Variants in TENM3 observed in about 807,000 individuals in gnomAD.
The protein encoded by TENM3 is teneurin transmembrane protein 3.
TENM3 carries 63 observed loss-of-function variants against 255.1 expected under a neutral mutation model. The ratio of observed to expected loss-of-function variants is 0.25; its 90% CI spans 0.20 to 0.30. TENM3 has a LOEUF of 0.30. Ranked by LOEUF, TENM3 falls within the 10% of genes least tolerant of loss-of-function variation. TENM3 has a pLI of 1.00. For missense variants in TENM3, 2,929 were observed against 3,461.1 expected (o/e 0.85, Z 3.86); for synonymous variants, 1,306 against 1,322.3 (o/e 0.99, Z 0.27).
At chr4:182,639,176 A>G (rs1720277553) in intron 5 of TENM3, among the ~76,000 whole-genome samples, 1 of 152,240 alleles carries the variant, frequency 6.6e-6, no homozygotes, top group South Asian at 2.1e-4. Context: ...ATGACAAGAT[A>G]TAATTTGAAA....
At chr4:182,304,572 G>A (rs1762034169) in intron 1 of TENM3, among the ~76,000 whole-genome samples, 1 of 152,060 alleles carries the variant, frequency 6.6e-6, no homozygotes, top group Non-Finnish European at 1.5e-5. Context: ...CATCAATCAG[G>A]AAATACTATT....
chr4:182,590,945 G>GT (rs998641443), intron 3 of TENM3, among the ~76,000 whole-genome samples: 11 of 151,952 alleles, frequency 7.2e-5, no homozygotes, highest in African/African-American at 2.4e-4. Context: ...TGCACTTTAC[G>GT]TTTTTTCTCT....
At chr4:181,855,368 T>A in the TENM3 span, among the ~76,000 whole-genome samples, 1 of 152,222 alleles carries the variant, frequency 6.6e-6, no homozygotes, top group African/African-American at 2.4e-5. Context: ...AAGATTGGCA[T>A]GTACTTCTCT....
At chr4:182,784,200 C>T (rs1169008135) in intron 24 of TENM3, among the ~76,000 whole-genome samples, 1 of 152,104 alleles carries the variant, frequency 6.6e-6, no homozygotes, top group Non-Finnish European at 1.5e-5. Flanking sequence ...TACTTTTGGT[C>T]TTTGATGACG....
the TENM3 span, among the ~76,000 whole-genome samples, chr4:181,765,708 T>G: frequency 6.6e-6 from 1 of 152,144 alleles, no homozygotes; most frequent in South Asian, 2.1e-4. Flanking sequence ...CAATAAACAC[T>G]TATATTGCAG....
the TENM3 span, among the ~76,000 whole-genome samples, chr4:181,609,258 T>G: frequency 6.6e-6 from 1 of 152,192 alleles, no homozygotes; most frequent in Admixed American, 6.5e-5. Context: ...TAGTTTATTT[T>G]TCTTTTGACT....
At chr4:181,605,568 A>AAGAGGGAGAGAGAGAGAG in the TENM3 span, among the ~76,000 whole-genome samples, 9 of 42,202 alleles carry the variant, frequency 2.1e-4, 1 homozygote, top group African/African-American at 7.7e-4. Flanking sequence ...GAAAGAAAGA[A>AAGAGGGAGAGAGAGAGAG]AGAGAGAGAA....
chr4:182,158,183 G>GTC (rs1484263258), intron 1 of TENM3, among the ~76,000 whole-genome samples: 4 of 152,176 alleles, frequency 2.6e-5, no homozygotes, highest in African/African-American at 9.7e-5. Flanking sequence ...GCCATGTGAG[G>GTC]GTGAAACCTA....
the TENM3 span, among the ~76,000 whole-genome samples, chr4:181,574,547 A>G: frequency 1.3e-5 from 2 of 152,168 alleles, no homozygotes; most frequent in African/African-American, 4.8e-5. Context: ...CAAAAAAAAA[A>G]AAAAAATGTC....
At chr4:182,118,811 C>A in the TENM3 span, among the ~76,000 whole-genome samples, 3 of 152,094 alleles carry the variant, frequency 2.0e-5, no homozygotes, top group African/African-American at 7.2e-5. Flanking sequence ...CCCCACTTGG[C>A]CGTGGTATAT....
intron 3 of TENM3, among the ~76,000 whole-genome samples, chr4:182,503,775 G>A (rs558956124): frequency 2.0e-4 from 30 of 152,102 alleles, no homozygotes; most frequent in Non-Finnish European, 3.1e-4. Flanking sequence ...AATTGCATGG[G>A]AAATATGATG....
At chr4:182,725,064 T>G (rs1760057242) in intron 13 of TENM3, among the ~76,000 whole-genome samples, 1 of 151,920 alleles carries the variant, frequency 6.6e-6, no homozygotes, top group Non-Finnish European at 1.5e-5. Flanking sequence ...TTGGGTTTTT[T>G]TTTTTTGAAA....
the TENM3 span, among the ~76,000 whole-genome samples, chr4:181,469,458 T>G: frequency 6.6e-6 from 1 of 152,184 alleles, no homozygotes; most frequent in African/African-American, 2.4e-5. Flanking sequence ...TGTTTATAAA[T>G]AATCAGCTTT....
At chr4:181,642,514 C>T in the TENM3 span, among the ~76,000 whole-genome samples, 2 of 151,632 alleles carry the variant, frequency 1.3e-5, no homozygotes, top group Non-Finnish European at 2.9e-5. Flanking sequence ...GTTGCCATTG[C>T]TTTTGGTGTC....
chr4:181,528,330 G>A, the TENM3 span, among the ~76,000 whole-genome samples: 1 of 152,096 alleles, frequency 6.6e-6, no homozygotes, highest in Non-Finnish European at 1.5e-5. Context: ...CCTAAAGAAA[G>A]AAAATTAAGT....
chr4:181,601,443 C>A, the TENM3 span, among the ~76,000 whole-genome samples: 1 of 152,158 alleles, frequency 6.6e-6, no homozygotes, highest in Non-Finnish European at 1.5e-5. Context: ...AGGCCTCTCT[C>A]CTTGGCTGGC....
chr4:182,653,660 G>A, intron 5 of TENM3, 111 bp from the exon 6 acceptor site: 1 of 1,228,768 alleles, frequency 8.1e-7, no homozygotes, highest in Non-Finnish European at 1.1e-6. Context: ...TGGTATTTCA[G>A]AAAATGGAAA....
At chr4:182,521,533 G>A (rs1291952016) in intron 3 of TENM3, among the ~76,000 whole-genome samples, 1 of 152,164 alleles carries the variant, frequency 6.6e-6, no homozygotes, top group Admixed American at 6.6e-5. Flanking sequence ...TCTCCAGCAG[G>A]GAGATAAATG....
Position 182,640,664 on chromosome 4 carries a change from A to G in TENM3, c.988+11775A>G, listed in dbSNP as rs1165864377. On this transcript the variant is annotated intron_variant, in intron 5 of 27. Coordinates refer to ENST00000511685, the MANE Select transcript of TENM3 (RefSeq NM_001080477.4). ...GAAAGTGGGCCATTTATTTTTAGGA[A>G]AGGAGACTGAGACCACCAAATACAG... 2.0e-5 allele frequency among the ~76,000 whole-genome samples: 3 copies of G among 152,206 alleles called. No individual in the cohort carries two copies. In the East Asian group the frequency reaches 5.8e-4, roughly 29 times the overall value.
Sources: gnomAD v4.1 joint callset for allele counts (sites outside exome capture counted in the v4.1 genomes callset) on GRCh38, gnomAD v4.1.1 for gene constraint, MANE v1.5 for transcripts, NCBI Gene and HGNC (gene_info 2026-07-23, HGNC 2026-07-21) for gene names.